The following EEF1D variants were observed in gnomAD, a reference collection of about 807,000 sequenced individuals.
The protein encoded by EEF1D is elongation factor 1-delta.
EEF1D carries 47 observed loss-of-function variants against 63.9 expected under a neutral mutation model. That is an observed-to-expected ratio of 0.74 (90% CI 0.58 to 0.94). The LOEUF (loss-of-function observed/expected upper bound fraction) is 0.94, where lower values mean the gene tolerates loss of function less well. Ranked by LOEUF, EEF1D falls within the 40% of genes least tolerant of loss-of-function variation. EEF1D has a pLI of 0.00. For synonymous variants in EEF1D, 412 were observed against 386.1 expected (o/e 1.07, Z -0.79); for missense variants, 907 against 899.0 (o/e 1.01, Z -0.11).
chr8:143,588,762 C>T lies in EEF1D; in HGVS notation c.1091+229G>A, dbSNP rs563310587. On this transcript the variant is annotated intron_variant, in intron 3 of 9. Coordinates refer to ENST00000618139, the MANE Select transcript of EEF1D (RefSeq NM_001130053.5). Reference sequence around the variant, plus strand: ...CCTGTGCTGAGCCCTTCCCTGCCCTCATCCAGGCAGCCTGGAACTTTGTAA... The same window carrying T: ...CCTGTGCTGAGCCCTTCCCTGCCCTTATCCAGGCAGCCTGGAACTTTGTAA... 4.8e-6 allele frequency: 3 copies of T among 618,566 alleles called. No homozygotes were observed. In the South Asian group the frequency reaches 6.0e-5, roughly 12 times the overall value. 38.3% of individuals were successfully genotyped at this position (618,566 alleles called of 1,614,324 possible). A position where few individuals can be genotyped will look rare whatever the true frequency, so the allele number is the denominator to read the frequency against.
Position 143,586,861 on chromosome 8 carries a change from G to C in EEF1D, c.1092-9C>G. 6.2e-7 allele frequency: 1 copy of C among 1,613,372 alleles called. No homozygotes were observed. The highest frequency in any genetic ancestry group is 2.2e-5 in the East Asian group (1 of 44,874). ...TTGTAGCCATTTTTCTGCTGGGAGG[G>C]GAAAGAGGCAAAGTCAGCATGGCTG... On this transcript the variant is annotated splice_polypyrimidine_tract_variant and intron_variant, in intron 3 of 9. Coordinates refer to ENST00000618139, the MANE Select transcript of EEF1D (RefSeq NM_001130053.5).
rs1828146276 is a variant in EEF1D, at chr8:143,592,527, G to A, written c.-1+120C>T. The A allele has an allele frequency of 1.9e-5, 17 of 890,308 alleles. No homozygotes were observed. The South Asian group carries it at 8.2e-4, about 43-fold the overall frequency. The allele number at this position is 890,308 out of a possible 1,614,324, so 55.2% of individuals were successfully genotyped here. On this transcript the variant is annotated intron_variant, in intron 2 of 9. Transcript: ENST00000618139. Reference sequence around the variant, plus strand: ...CTCCACTTTCCAGATGGGAAACTGAGGCCCTCTGGGCAGACTGGGCCATGC... The same window carrying A: ...CTCCACTTTCCAGATGGGAAACTGAAGCCCTCTGGGCAGACTGGGCCATGC...
intron 3 of EEF1D, 90 bp downstream of exon 3, chr8:143,588,901 A>C: frequency 6.8e-7 from 1 of 1,461,156 alleles, no homozygotes; most frequent in Admixed American, 2.3e-5. Flanking sequence ...CCAGGTGGGC[A>C]GGGGAGGAAG....
chr8:143,596,500 G>C (rs1828849806), intron 1 of EEF1D: 1 of 152,336 alleles, frequency 6.6e-6, no homozygotes, highest in African/African-American at 2.4e-5. Context: ...ATGGGGTCCA[G>C]ATGACGGGGT....
chr8:143,591,292 C>G (rs1453341062), intron 2 of EEF1D, among the ~76,000 whole-genome samples: 2 of 152,250 alleles, frequency 1.3e-5, no homozygotes, highest in Non-Finnish European at 2.9e-5. Flanking sequence ...AGCCTCCTCC[C>G]TGGATGAGGT....
chr8:143,589,843 CT>C lies in EEF1D; in HGVS notation c.238del (p.Ser80AlafsTer80). On this transcript the variant is annotated frameshift_variant, in exon 3 of 10. Coordinates refer to ENST00000618139, the MANE Select transcript of EEF1D (RefSeq NM_001130053.5). LOFTEE classifies it high-confidence loss of function. ...CCTCTTTTTCTGCAGGGGCTTCCTG[CT>C]GTCCTGGCTCTTCCTGGGATCACGC... ...SRRDPRKSQDSRKPLQKKRKR... is the reference protein window; with the variant it reads ...SRRDPRKSQDXRKPLQKKRKR... 6.2e-7 allele frequency: 1 copy of C among 1,603,826 alleles called. No individual in the cohort carries two copies. The highest frequency in any genetic ancestry group is 8.5e-7 in the Non-Finnish European group (1 of 1,177,230).
intron 7 of EEF1D, 54 bp downstream of exon 7, chr8:143,581,000 A>G: frequency 6.3e-7 from 1 of 1,578,298 alleles, no homozygotes. Context: ...GCGACGTGGA[A>G]GCCAGCAGGG....
At chr8:143,583,666 C>T (rs1244907678) in intron 5 of EEF1D, 2 of 152,062 alleles carry the variant, frequency 1.3e-5, no homozygotes, top group African/African-American at 4.8e-5. Flanking sequence ...GGATGCCCAG[C>T]TTATGGCCCG....
At position 143,595,235 on chromosome 8, in the gene EEF1D, A is replaced by ATT. The variant is rs33997031; in HGVS notation, c.-15+2111_-15+2112dup. ...CAGGCGTGTGCCACCACACCTGGCT[A>ATT]TTTTTTCATATTTTTAGTAGAGATG... On this transcript the variant is annotated intron_variant, in intron 1 of 9. Coordinates refer to ENST00000618139, the MANE Select transcript of EEF1D (RefSeq NM_001130053.5). Among the ~76,000 whole-genome samples the ATT allele has an allele frequency of 4.6e-5, 7 of 151,778 alleles. No homozygotes were observed. The South Asian group carries it at 1.0e-3, about 23-fold the overall frequency.
chr8:143,582,778 C>T (rs1302190980), intron 5 of EEF1D: 1 of 152,228 alleles, frequency 6.6e-6, no homozygotes, highest in Non-Finnish European at 1.5e-5. Context: ...CTGAGCACAG[C>T]TTCAACGGGC....
chr8:143,589,666 G>A lies in EEF1D; in HGVS notation c.416C>T (p.Pro139Leu), dbSNP rs1186141681. 2 of 1,537,606 alleles carry A rather than the reference G, an allele frequency of 1.3e-6. No individual in the cohort carries two copies. The highest frequency in any genetic ancestry group is 8.8e-7 in the Non-Finnish European group (1 of 1,141,402). Residue 139 changes from proline (P) to leucine (L), a missense_variant, in exon 3 of 10, where the codon CCT becomes CTT. Physicochemically the swap from Pro to Leu is moderately conservative, Grantham distance 98. Transcript: ENST00000618139. ...LADVAAQAAW[P>L]PALAPWGLCT... ...GAGACCCCAAGGGGCCAAGGCAGGA[G>A]GCCAGGCTGCCTGGGCAGCCACATC...
At position 143,589,062 on chromosome 8, in the gene EEF1D, G is replaced by A. The variant is rs1827300413; in HGVS notation, c.1020C>T (p.Cys340=). Residue 340 remains cysteine (C), a synonymous_variant, in exon 3 of 10, where the codon TGC becomes TGT. Coordinates refer to ENST00000618139, the MANE Select transcript of EEF1D (RefSeq NM_001130053.5). ...HAAEALRVAW[C]LEAASLSHRP... ...GGTGAGACAGGGAGGCAGCTTCGAGGCACCAGGCCACCCGCAGGGCCTCGG... is the reference window on the plus strand; with the variant it reads ...GGTGAGACAGGGAGGCAGCTTCGAGACACCAGGCCACCCGCAGGGCCTCGG... 1.9e-6 allele frequency: 3 copies of A among 1,607,982 alleles called. No individual in the cohort carries two copies. Among genetic ancestry groups the A allele is most frequent in the East Asian group, 2.2e-5 (1 of 44,802 alleles).
At chr8:143,592,196 G>A in intron 2 of EEF1D, 1 of 985,500 alleles carries the variant, frequency 1.0e-6, no homozygotes, top group Non-Finnish European at 1.2e-6. Context: ...ACCCCCACCA[G>A]TCTCTCTGCT....
intron 5 of EEF1D, chr8:143,583,807 ATTAAG>A (rs1228953957): frequency 1.3e-5 from 2 of 152,320 alleles, no homozygotes; most frequent in Admixed American, 6.5e-5. Context: ...ATGTGATAAG[ATTAAG>A]TTAAGCGGCA....
Position 143,589,748 on chromosome 8 carries a change from A to C in EEF1D, c.334T>G (p.Trp112Gly), listed in dbSNP as rs1269512083. Residue 112 changes from tryptophan (W) to glycine (G), a missense_variant, in exon 3 of 10, where the codon TGG becomes GGG. Transcript: ENST00000618139. ...TGGTCGAAAAGTGACTTGTCCAGCC[A>C]CACGCGTTCGGCCGAGAGGCCCAGG... ...ALLGLSAERVWLDKSLFDQAE... is the reference protein window; with the variant it reads ...ALLGLSAERVGLDKSLFDQAE... The C allele has an allele frequency of 6.5e-7, 1 of 1,531,988 alleles. No individual in the cohort carries two copies. Among genetic ancestry groups the C allele is most frequent in the East Asian group, 2.3e-5 (1 of 44,080 alleles). 94.9% of individuals were successfully genotyped at this position (1,531,988 alleles called of 1,614,324 possible). A position where few individuals can be genotyped will look rare whatever the true frequency, so the allele number is the denominator to read the frequency against.
At chr8:143,595,214 C>T (rs556345085) in intron 1 of EEF1D, among the ~76,000 whole-genome samples, 8 of 144,324 alleles carry the variant, frequency 5.5e-5, no homozygotes, top group East Asian at 2.0e-4. Context: ...GGATTACAGG[C>T]GTGTGCCACC....
chr8:143,581,385 G>T (rs1825531717), intron 5 of EEF1D, 57 bp from the exon 6 acceptor site: 13 of 1,507,734 alleles, frequency 8.6e-6, no homozygotes, highest in Non-Finnish European at 1.2e-5. Flanking sequence ...GGGTCCCCCT[G>T]CCATGCTCAG....
Position 143,589,098 on chromosome 8 carries a change from G to T in EEF1D, c.984C>A (p.Arg328=). The change falls in exon 3 of 10, where the codon CGC becomes CGA. Residue 328 remains arginine (R), a synonymous_variant. Transcript: ENST00000618139. Reference sequence around the variant, plus strand: ...CCCGCAGGGCCTCGGCAGCGTGGTGGCGGCACTCGGCGCTGTCGTAGGCAG... The same window carrying T: ...CCCGCAGGGCCTCGGCAGCGTGGTGTCGGCACTCGGCGCTGTCGTAGGCAG... ...SKPAYDSAEC[R]HHAAEALRVA... 6.2e-7 allele frequency: 1 copy of T among 1,609,930 alleles called. No homozygotes were observed. The highest frequency in any genetic ancestry group is 8.5e-7 in the Non-Finnish European group (1 of 1,179,146).
In EEF1D at chr8:143,589,075, C is replaced by G. The variant is rs761080549; in HGVS notation, c.1007G>C (p.Arg336Pro). 6.2e-7 allele frequency: 1 copy of G among 1,608,914 alleles called. No homozygotes were observed. The highest frequency in any genetic ancestry group is 1.1e-5 in the South Asian group (1 of 90,788). The change falls in exon 3 of 10, where the codon CGG becomes CCG. Residue 336 changes from arginine to proline, a missense_variant. Coordinates refer to ENST00000618139, the MANE Select transcript of EEF1D (RefSeq NM_001130053.5). ...ECRHHAAEAL[R>P]VAWCLEAASL... ...GGCAGCTTCGAGGCACCAGGCCACC[C>G]GCAGGGCCTCGGCAGCGTGGTGGCG...
Sources: gnomAD v4.1 joint callset for allele counts (sites outside exome capture counted in the v4.1 genomes callset) on GRCh38, gnomAD v4.1.1 for gene constraint, MANE v1.5 for transcripts, NCBI Gene and HGNC (gene_info 2026-07-23, HGNC 2026-07-21) for gene names.